SLF1: variants seen among roughly 807,000 people sequenced by gnomAD.
SLF1 encodes SMC5/6 complex localization factor 1.
SLF1 carries 105 observed loss-of-function variants against 123.0 expected under a neutral mutation model. That is an observed-to-expected ratio of 0.85 (90% CI 0.73 to 1.00). The LOEUF is 1.00. Ranked by LOEUF, SLF1 falls within the 50% of genes least tolerant of loss-of-function variation. The probability of loss-of-function intolerance (pLI) is 0.00; values close to 1 mark genes in which losing one functional copy is unlikely to be tolerated. For synonymous variants in SLF1, 434 were observed against 406.6 expected, an observed-to-expected ratio of 1.07 and a Z score of -0.81; for missense variants, 1,239 against 1,223.0, an observed-to-expected ratio of 1.01 and a Z score of -0.20.
chr5:94,643,082 T>C (rs1561434144), intron 4 of SLF1, among the ~76,000 whole-genome samples, 191 bp from the exon 5 acceptor site: 1 of 152,168 alleles, frequency 6.6e-6, no homozygotes, highest in South Asian at 2.1e-4. Context: ...TATGATTTCT[T>C]AAATATCTAC....
At chr5:94,693,999 C>G (rs1227027882) in intron 20 of SLF1, among the ~76,000 whole-genome samples, 1 of 151,746 alleles carries the variant, frequency 6.6e-6, no homozygotes. Context: ...ACAATATGAT[C>G]TATGTTATAA....
At chr5:94,642,998 T>G (rs1472688843) in intron 4 of SLF1, among the ~76,000 whole-genome samples, 4 of 152,276 alleles carry the variant, frequency 2.6e-5, no homozygotes, top group South Asian at 4.1e-4. Context: ...TGACTTTTCC[T>G]TAGGGAATAC....
rs1752476124 is a variant in SLF1 at position 94,686,782 on chromosome 5, T to C, written c.2121+64T>C. The C allele has an allele frequency of 3.4e-6, 5 of 1,477,248 alleles. No homozygotes were observed. The South Asian group carries it at 5.1e-5, about 15-fold the overall frequency. 91.5% of individuals were successfully genotyped at this position (1,477,248 alleles called of 1,614,324 possible). A position where few individuals can be genotyped will look rare whatever the true frequency, so the allele number is the denominator to read the frequency against. Reference sequence around the variant, plus strand: ...AAGTGAGTTCACAAACTCAATTTTATTTATTTAGTTATTTATTTATTTTGA... The same window carrying C: ...AAGTGAGTTCACAAACTCAATTTTACTTATTTAGTTATTTATTTATTTTGA... On this transcript the variant is annotated intron_variant, in intron 16 of 20. Transcript: ENST00000265140.
At chr5:94,685,044 A>G (rs1752257674) in intron 15 of SLF1, among the ~76,000 whole-genome samples, 1 of 152,226 alleles carries the variant, frequency 6.6e-6, no homozygotes, top group African/African-American at 2.4e-5. Flanking sequence ...GAAATTACCA[A>G]ATGTTACCTG....
intron 14 of SLF1, among the ~76,000 whole-genome samples, chr5:94,672,395 C>T (rs1233889479): frequency 6.6e-6 from 1 of 151,828 alleles, no homozygotes; most frequent in Non-Finnish European, 1.5e-5. Flanking sequence ...TACGTTATAC[C>T]TTTTCTTCAT....
intron 4 of SLF1, among the ~76,000 whole-genome samples, chr5:94,632,943 C>T (rs1745363590): frequency 6.6e-6 from 1 of 151,934 alleles, no homozygotes; most frequent in Non-Finnish European, 1.5e-5. Flanking sequence ...CCCGCCTCGG[C>T]CTCCTAGAGT....
intron 20 of SLF1, among the ~76,000 whole-genome samples, chr5:94,692,924 T>C (rs141226883): frequency 1.3e-3 from 198 of 152,272 alleles, no homozygotes; most frequent in Admixed American, 3.9e-3. Flanking sequence ...ATATCTAAAC[T>C]GAATAATATA....
In SLF1 at chr5:94,628,893, T is replaced by C. The variant is rs1178477142; in HGVS notation, c.83T>C (p.Leu28Ser). Residue 28 changes from leucine to serine, a missense_variant, in exon 2 of 21, where the codon TTA becomes TCA. Coordinates refer to ENST00000265140, the MANE Select transcript of SLF1 (RefSeq NM_032290.4). ...EEKEALVKLL[L>S]KLDCTFIKSE... ...AAAGAAGCGCTAGTCAAATTACTTT[T>C]AAAACTAGATTGCACTTTTATTAAG... 1 of 1,549,130 alleles carries C rather than the reference T, an allele frequency of 6.5e-7. No individual in the cohort carries two copies. Among genetic ancestry groups the C allele is most frequent in the East Asian group, 2.5e-5 (1 of 40,802 alleles).
At chr5:94,675,288 T>C (rs1750919627) in intron 14 of SLF1, among the ~76,000 whole-genome samples, 1 of 152,264 alleles carries the variant, frequency 6.6e-6, no homozygotes, top group Non-Finnish European at 1.5e-5. Context: ...GAGTTAAACA[T>C]ATTAGAAAGG....
In SLF1 at chr5:94,696,926, T is replaced by C. The variant is rs1753543736; in HGVS notation, c.*1614T>C. On this transcript the variant is annotated 3_prime_UTR_variant, in exon 21 of 21. Coordinates refer to ENST00000265140, the MANE Select transcript of SLF1 (RefSeq NM_032290.4). ...CCTTTCTAATTCTTACCTCCTCTTT[T>C]GATTATAATGAATCATTTAGACAAA... 1 of 151,906 alleles carries C rather than the reference T, an allele frequency of 6.6e-6. No individual in the cohort carries two copies. Among genetic ancestry groups the C allele is most frequent in the Non-Finnish European group, 1.5e-5 (1 of 67,896 alleles). 9.4% of individuals were successfully genotyped at this position (151,906 alleles called of 1,614,324 possible). A position where few individuals can be genotyped will look rare whatever the true frequency, so the allele number is the denominator to read the frequency against.
intron 14 of SLF1, among the ~76,000 whole-genome samples, chr5:94,675,824 A>G (rs867923469): frequency 6.6e-6 from 1 of 151,920 alleles, no homozygotes; most frequent in African/African-American, 2.4e-5. Flanking sequence ...ATATTAAGCA[A>G]TATATTAATA....
At chr5:94,694,783 CA>C in intron 20 of SLF1, 47 bp from the exon 21 acceptor site, 1 of 1,511,744 alleles carries the variant, frequency 6.6e-7, no homozygotes. Context: ...GTTAAGCTGC[CA>C]AAATAGAAAT....
intron 1 of SLF1, among the ~76,000 whole-genome samples, chr5:94,622,186 G>A (rs1417254159): frequency 1.3e-5 from 2 of 152,196 alleles, no homozygotes; most frequent in Non-Finnish European, 2.9e-5. Context: ...AGTTTTAACA[G>A]TTATTTGTTT....
Position 94,688,625 on chromosome 5 carries a change from G to A in SLF1, c.2241G>A (p.Leu747=), listed in dbSNP as rs143344611. ...ACTCTCAGAGAACCTTACTAATGCTGAATGGTACTAAACAAAAACAAGTCG... is the reference window on the plus strand; with the variant it reads ...ACTCTCAGAGAACCTTACTAATGCTAAATGGTACTAAACAAAAACAAGTCG... ...CFDSQRTLLM[L]NGTKQKQVEG... is the part of the protein sequence containing the mutation. Residue 747 remains leucine (L), a synonymous_variant, in exon 17 of 21, where the codon CTG becomes CTA. Transcript: ENST00000265140. The A allele has an allele frequency of 1.8e-3, 2,938 of 1,614,070 alleles. 2 individuals are homozygous for A. The highest frequency in any genetic ancestry group is 2.2e-3 in the Non-Finnish European group (2,630 of 1,179,974).
intron 20 of SLF1, 28 bp from the exon 21 acceptor site, chr5:94,694,803 T>G: frequency 6.6e-7 from 1 of 1,523,124 alleles, no homozygotes; most frequent in Non-Finnish European, 8.8e-7. Context: ...ATGTTTTACT[T>G]GCAACATTTT....
rs1190869283 is a variant in SLF1 at position 94,639,089 on chromosome 5, G to GGAGT, written c.432-4182_432-4179dup. 7.9e-5 allele frequency among the ~76,000 whole-genome samples: 10 copies of GGAGT among 126,328 alleles called. No individual in the cohort carries two copies. The South Asian group carries it at 2.5e-3, about 32-fold the overall frequency. The allele number at this position is 126,328 out of a possible 152,430, so 82.9% of individuals were successfully genotyped here. On this transcript the variant is annotated intron_variant, in intron 4 of 20. Coordinates refer to ENST00000265140, the MANE Select transcript of SLF1 (RefSeq NM_032290.4). ...GGAGTCTGGCTCTGTTGCTCAGGCT[G>GGAGT]GAGTGCAGTGGCACCATCTTGGCTC...
chr5:94,670,073 A>G, intron 12 of SLF1, 78 bp from the exon 13 acceptor site: 1 of 1,359,654 alleles, frequency 7.4e-7, no homozygotes, highest in Non-Finnish European at 9.8e-7. Context: ...GCAGTATTCT[A>G]GAAGGAGAAA....
chr5:94,649,552 T>G lies in SLF1; in HGVS notation c.693T>G (p.Phe231Leu), dbSNP rs747036796. ...TNKDFRKDAG[F>L]LEMKGALRET... ...AAGATTTCAGGAAAGATGCAGGATT[T>G]CTTGAAATGAAAGGTGCCTTAAGAG... Residue 231 changes from phenylalanine to leucine, a missense_variant, in exon 6 of 21, where the codon TTT (phenylalanine) becomes TTG (leucine). By Grantham distance (22) the Phe-to-Leu change is conservative. Coordinates refer to ENST00000265140, the MANE Select transcript of SLF1 (RefSeq NM_032290.4). 1.2e-5 allele frequency: 18 copies of G among 1,538,098 alleles called. No individual in the cohort carries two copies. The highest frequency in any genetic ancestry group is 1.3e-5 in the Non-Finnish European group (15 of 1,137,600).
At chr5:94,649,687 G>A in intron 6 of SLF1, 90 bp downstream of exon 6, 1 of 1,208,806 alleles carries the variant, frequency 8.3e-7, no homozygotes. Flanking sequence ...ATAGATTTTG[G>A]AATCAGAAGG....
Sources: allele counts gnomAD v4.1 joint callset (sites outside exome capture counted in the v4.1 genomes callset), GRCh38; gene constraint gnomAD v4.1.1; transcripts MANE v1.5; gene names NCBI Gene and HGNC (gene_info 2026-07-23, HGNC 2026-07-21).